ABCB4: variants seen among roughly 807,000 people sequenced by gnomAD.
ABCB4 encodes ATP binding cassette subfamily B member 4.
In ABCB4, 76 loss-of-function variants were observed where a neutral mutation model predicts 145.7. That is an observed-to-expected ratio of 0.52 (90% CI 0.43 to 0.63). The LOEUF is 0.63. Among genes scored for constraint, ABCB4 ranks in the 30% least tolerant of loss-of-function variants. The pLI, the probability that ABCB4 is intolerant of heterozygous loss-of-function variation, is 0.00. For synonymous variants in ABCB4, 517 were observed against 566.8 expected (o/e 0.91, Z 1.25); for missense variants, 1,234 against 1,553.1 (o/e 0.79, Z 3.45).
At chr7:87,374,961 G>C in the ABCB4 span, among the ~76,000 whole-genome samples, 1 of 151,966 alleles carries the variant, frequency 6.6e-6, no homozygotes, top group Non-Finnish European at 1.5e-5. Context: ...ATTTTTGACT[G>C]ATGTAAATTT....
downstream of ABCB4, chr7:87,398,491 G>A (rs1807624754): frequency 6.2e-7 from 1 of 1,611,362 alleles, no homozygotes; most frequent in Admixed American, 1.7e-5. Flanking sequence ...GGAGCCTTTT[G>A]TGTAATCATT....
chr7:87,420,061 C>T lies in ABCB4; in HGVS notation c.2331G>A (p.Gly777=), dbSNP rs1809306865. The T allele has an allele frequency of 1.2e-6, 2 of 1,614,072 alleles. No homozygotes were observed. The highest frequency in any genetic ancestry group is 1.1e-5 in the South Asian group (1 of 91,072). ...TTCTGGTGAGGATCTCGCCAGCTTT[C>T]CCAAACGTGAAACCCTGGTTGAGAA... ...FTFFLQGFTF[G]KAGEILTRRL... is the part of the protein sequence containing the mutation. Residue 777 remains glycine, a synonymous_variant, in exon 19 of 28, where the codon GGG becomes GGA. Transcript: ENST00000649586.
chr7:87,473,571 A>G (rs1380454314), intron 2 of ABCB4, among the ~76,000 whole-genome samples: 1 of 152,182 alleles, frequency 6.6e-6, no homozygotes, highest in South Asian at 2.1e-4. Context: ...TTAAAATTAC[A>G]AAGTACTCCC....
chr7:87,379,092 T>G, the ABCB4 span, among the ~76,000 whole-genome samples: 9 of 152,332 alleles, frequency 5.9e-5, no homozygotes, highest in African/African-American at 2.2e-4. Flanking sequence ...TTTATGTCCT[T>G]ACCATTCCTT....
chr7:87,368,229 T>C, the ABCB4 span, among the ~76,000 whole-genome samples: 3 of 152,250 alleles, frequency 2.0e-5, no homozygotes, highest in African/African-American at 7.2e-5. Flanking sequence ...TTCAGTTTTC[T>C]GCTCAAATAT....
chr7:87,454,389 C>A, intron 5 of ABCB4, 146 bp downstream of exon 5: 1 of 657,332 alleles, frequency 1.5e-6, no homozygotes, highest in South Asian at 2.0e-5. Flanking sequence ...GTGCATCTTA[C>A]TTTAAATTGG....
the ABCB4 span, among the ~76,000 whole-genome samples, chr7:87,366,272 G>T: frequency 4.0e-5 from 6 of 151,708 alleles, no homozygotes; most frequent in Non-Finnish European, 8.8e-5. Flanking sequence ...AGCACTACAG[G>T]GCCTGTGGGA....
chr7:87,381,942 C>T, the ABCB4 span: 2 of 1,610,484 alleles, frequency 1.2e-6, no homozygotes, highest in African/African-American at 1.3e-5. Context: ...TTATGGTGAA[C>T]ATCAGTTATT....
At chr7:87,469,053 G>T (rs184937562) in intron 3 of ABCB4, among the ~76,000 whole-genome samples, 3,144 of 152,252 alleles carry the variant, frequency 0.021, 105 homozygotes, top group African/African-American at 0.072. Flanking sequence ...CCCCTGGGAT[G>T]CAAGGCTGGT....
In ABCB4 at chr7:87,409,403, G is replaced by A. The variant is rs1420050738; in HGVS notation, c.2925-11C>T. On this transcript the variant is annotated splice_polypyrimidine_tract_variant and intron_variant, in intron 23 of 27. Transcript: ENST00000649586. ...ATTGCAGAAAACACCCTAGACAGAA[G>A]TAGAGGAATTCAAAAATTAGCTTTT... The A allele has an allele frequency of 2.5e-6, 4 of 1,613,608 alleles. No homozygotes were observed. Among genetic ancestry groups the A allele is most frequent in the South Asian group, 2.2e-5 (2 of 91,066 alleles).
the ABCB4 span, among the ~76,000 whole-genome samples, chr7:87,389,794 T>A: frequency 2.7e-5 from 4 of 147,770 alleles, no homozygotes; most frequent in Non-Finnish European, 4.5e-5. Flanking sequence ...TGCAAAGCCT[T>A]CAAATAGATG....
intron 3 of ABCB4, among the ~76,000 whole-genome samples, chr7:87,469,510 C>T (rs1813201637): frequency 6.6e-6 from 1 of 152,180 alleles, no homozygotes; most frequent in Admixed American, 6.5e-5. Context: ...AGCTGATAAG[C>T]AACTTCAGCA....
intron 15 of ABCB4, among the ~76,000 whole-genome samples, chr7:87,428,220 T>C (rs977857163): frequency 1.3e-5 from 2 of 152,198 alleles, no homozygotes; most frequent in African/African-American, 4.8e-5. Context: ...GAACATTACC[T>C]GTCTCTTTCA....
chr7:87,370,505 A>G, the ABCB4 span, among the ~76,000 whole-genome samples: 1 of 152,300 alleles, frequency 6.6e-6, no homozygotes, highest in East Asian at 1.9e-4. Flanking sequence ...TTTTAATATC[A>G]TTAACAGAGA....
chr7:87,460,804 A>G (rs1812408563), intron 4 of ABCB4, among the ~76,000 whole-genome samples: 1 of 151,670 alleles, frequency 6.6e-6, no homozygotes, highest in Non-Finnish European at 1.5e-5. Context: ...TATTTTTTAT[A>G]GGTGTGTAGT....
the ABCB4 span, among the ~76,000 whole-genome samples, chr7:87,366,719 A>G: frequency 2.0e-5 from 3 of 152,150 alleles, no homozygotes; most frequent in African/African-American, 7.2e-5. Flanking sequence ...TACACATTCA[A>G]ATCTTTGCTA....
chr7:87,391,735 A>T, the ABCB4 span: 1 of 1,595,762 alleles, frequency 6.3e-7, no homozygotes, highest in Non-Finnish European at 8.5e-7. Flanking sequence ...AAGGAAAAAA[A>T]CTCACAAGAT....
At chr7:87,398,442 G>A (rs1807622541), downstream of ABCB4, 21 of 1,501,110 alleles carry the variant, frequency 1.4e-5, no homozygotes, top group East Asian at 4.7e-4. Context: ...TGAATATCCA[G>A]ATGAAATAAA....
chr7:87,436,691 G>A (rs1039487499), intron 14 of ABCB4, among the ~76,000 whole-genome samples: 2 of 152,094 alleles, frequency 1.3e-5, no homozygotes, highest in African/African-American at 4.8e-5. Flanking sequence ...CACTCCTGGG[G>A]AGCAGAATCA....
Sources: allele counts gnomAD v4.1 joint callset (sites outside exome capture counted in the v4.1 genomes callset), GRCh38; gene constraint gnomAD v4.1.1; transcripts MANE v1.5; gene names NCBI Gene and HGNC (gene_info 2026-07-23, HGNC 2026-07-21).